MPPED1: variants seen among roughly 807,000 people sequenced by gnomAD.
The protein encoded by MPPED1 is metallophosphoesterase domain containing 1, also known as metallophosphoesterase domain-containing protein 1.
Under a neutral mutation model 36.2 loss-of-function variants are expected in MPPED1, and 16 were observed. That is an observed-to-expected ratio of 0.44 (90% CI 0.30 to 0.67). The LOEUF (loss-of-function observed/expected upper bound fraction) is 0.67, where lower values mean the gene tolerates loss of function less well. Among genes scored for constraint, MPPED1 ranks in the 30% least tolerant of loss-of-function variants. The probability of loss-of-function intolerance (pLI) is 0.10; values close to 1 mark genes in which losing one functional copy is unlikely to be tolerated. For synonymous variants in MPPED1, 199 were observed against 191.3 expected, an observed-to-expected ratio of 1.04 and a Z score of -0.33; for missense variants, 307 against 453.4, an observed-to-expected ratio of 0.68 and a Z score of 2.93.
intron 1 of MPPED1, among the ~76,000 whole-genome samples, chr22:43,420,279 A>G (rs2049940630): frequency 6.6e-6 from 1 of 152,182 alleles, no homozygotes; most frequent in Admixed American, 6.5e-5. Flanking sequence ...CATGACAACG[A>G]AAGAGTGAGG....
chr22:43,493,544 G>A (rs1369611689), intron 4 of MPPED1, among the ~76,000 whole-genome samples: 3 of 152,224 alleles, frequency 2.0e-5, no homozygotes, highest in Non-Finnish European at 4.4e-5. Flanking sequence ...GAGGCACCCT[G>A]TTGGGGGCCG....
At chr22:43,470,952 T>C (rs1931354570) in intron 3 of MPPED1, among the ~76,000 whole-genome samples, 1 of 152,234 alleles carries the variant, frequency 6.6e-6, no homozygotes, top group African/African-American at 2.4e-5. Flanking sequence ...TTTGAGGGTG[T>C]CACCCCAGCA....
At chr22:43,482,136 A>T (rs1241730033) in intron 4 of MPPED1, among the ~76,000 whole-genome samples, 1 of 152,194 alleles carries the variant, frequency 6.6e-6, no homozygotes, top group Non-Finnish European at 1.5e-5. Flanking sequence ...GTTAAAAAAA[A>T]TCCCGTATAC....
intron 3 of MPPED1, among the ~76,000 whole-genome samples, chr22:43,437,371 A>G (rs1337375556): frequency 6.6e-6 from 1 of 152,194 alleles, no homozygotes; most frequent in East Asian, 1.9e-4. Context: ...CCTCCTGACA[A>G]TGAGGCAGGA....
chr22:43,489,383 G>C (rs1409820999), intron 4 of MPPED1, among the ~76,000 whole-genome samples: 1 of 152,010 alleles, frequency 6.6e-6, no homozygotes, highest in Middle Eastern at 3.2e-3. Context: ...ACTCAGTCGT[G>C]CCCACCCACC....
intron 3 of MPPED1, among the ~76,000 whole-genome samples, chr22:43,454,251 C>T (rs368884653): frequency 1.5e-4 from 22 of 151,604 alleles, no homozygotes; most frequent in African/African-American, 3.1e-4. Flanking sequence ...TCAGGTGATC[C>T]GCCCTCCTTG....
chr22:43,442,936 C>T (rs376023873), intron 3 of MPPED1, among the ~76,000 whole-genome samples: 29 of 152,284 alleles, frequency 1.9e-4, no homozygotes, highest in Admixed American at 1.4e-3. Flanking sequence ...CAGGGGTCTA[C>T]GTGCATCTCA....
In MPPED1 at chr22:43,498,369, G is replaced by C. The variant is rs1932499776; in HGVS notation, c.748+19G>C. 1.3e-6 allele frequency: 2 copies of C among 1,525,312 alleles called. No individual in the cohort carries two copies. The highest frequency in any genetic ancestry group is 4.9e-5 in the East Asian group (2 of 40,666). 94.5% of individuals were successfully genotyped at this position (1,525,312 alleles called of 1,614,324 possible). A position where few individuals can be genotyped will look rare whatever the true frequency, so the allele number is the denominator to read the frequency against. ...CCACTGGGTAAGGCTCTGCTGGCCTGGCCCTCCAGCTCGCCCATCTGGGCT... is the reference window on the plus strand; with the variant it reads ...CCACTGGGTAAGGCTCTGCTGGCCTCGCCCTCCAGCTCGCCCATCTGGGCT... On this transcript the variant is annotated intron_variant, in intron 5 of 6. Transcript: ENST00000443721.
rs946717597 is a variant in MPPED1 at position 43,490,975 on chromosome 22, G to A, written c.633-7260G>A. 8.6e-5 allele frequency among the ~76,000 whole-genome samples: 12 copies of A among 139,210 alleles called. 1 individual carries two copies. The highest frequency in any genetic ancestry group is 6.6e-4 in the South Asian group (3 of 4,518). The allele number at this position is 139,210 out of a possible 152,430, so 91.3% of individuals were successfully genotyped here. On this transcript the variant is annotated intron_variant, in intron 4 of 6. Transcript: ENST00000443721. ...TGTCGGCTCTTCTCCACTAGGAACC[G>A]CGGAAGGAAAGCATTTTACTCTGTG...
intron 4 of MPPED1, among the ~76,000 whole-genome samples, chr22:43,495,474 TGGA>T (rs1569088574): frequency 1.8e-3 from 95 of 53,440 alleles, no homozygotes; most frequent in Middle Eastern, 0.011. Flanking sequence ...CTGGTGATGG[TGGA>T]GGTGGTGGTG....
chr22:43,493,233 C>T (rs1191250436), intron 4 of MPPED1, among the ~76,000 whole-genome samples: 1 of 152,184 alleles, frequency 6.6e-6, no homozygotes, highest in Non-Finnish European at 1.5e-5. Context: ...CTTTCCATTC[C>T]CTCGCCAAAC....
intron 4 of MPPED1, among the ~76,000 whole-genome samples, chr22:43,478,663 G>A (rs1931650178): frequency 6.6e-6 from 1 of 152,178 alleles, no homozygotes; most frequent in African/African-American, 2.4e-5. Context: ...TGGCTTCCGG[G>A]GGCCTGGGTG....
intron 3 of MPPED1, among the ~76,000 whole-genome samples, chr22:43,441,524 A>G (rs1930149134): frequency 6.6e-6 from 1 of 152,178 alleles, no homozygotes; most frequent in African/African-American, 2.4e-5. Context: ...TGTTTGTTGT[A>G]AAAGCGTGGT....
intron 5 of MPPED1, among the ~76,000 whole-genome samples, chr22:43,499,632 G>A (rs1932569851): frequency 1.6e-5 from 2 of 124,582 alleles, no homozygotes; most frequent in Non-Finnish European, 3.3e-5. Flanking sequence ...GGTGATGATG[G>A]TGGAGGTGGT....
intron 5 of MPPED1, among the ~76,000 whole-genome samples, chr22:43,500,869 A>G (rs1932713507): frequency 6.6e-6 from 1 of 152,026 alleles, no homozygotes; most frequent in South Asian, 2.1e-4. Flanking sequence ...GGGGACTTGC[A>G]CAAGCTGTGA....
chr22:43,496,223 A>G (rs369213070), intron 4 of MPPED1, among the ~76,000 whole-genome samples: 329 of 8,324 alleles, frequency 0.04, no homozygotes, highest in Non-Finnish European at 0.054. Context: ...GGTGGTGGAG[A>G]TGGTGGTGGT....
intron 1 of MPPED1, among the ~76,000 whole-genome samples, chr22:43,413,395 AT>A (rs66516474): frequency 0.082 from 12,387 of 150,464 alleles, 981 homozygotes; most frequent in African/African-American, 0.21. Flanking sequence ...AAAAAAAAAA[AT>A]TAAACCAACT....
intron 3 of MPPED1, among the ~76,000 whole-genome samples, chr22:43,460,270 C>G (rs915493544): frequency 1.4e-5 from 2 of 147,704 alleles, no homozygotes; most frequent in Non-Finnish European, 3.0e-5. Flanking sequence ...CAAACCCCCC[C>G]CCCCAAACCC....
rs1488539424 is a variant in MPPED1 at position 43,500,166 on chromosome 22, GTGA to G, written c.748+1819_748+1821del. 6.8e-5 allele frequency among the ~76,000 whole-genome samples: 6 copies of G among 88,252 alleles called. No individual in the cohort carries two copies. The South Asian group carries it at 1.3e-3, about 19-fold the overall frequency. The allele number at this position is 88,252 out of a possible 152,430, so 57.9% of individuals were successfully genotyped here. A position where few individuals can be genotyped will look rare whatever the true frequency, so the allele number is the denominator to read the frequency against. Reference sequence around the variant, plus strand: ...GGTGGTGGGGGTGGTGGTGGTGATGGTGATGGAGGTGGTGGTGATGGTGATGGA... The same window carrying G: ...GGTGGTGGGGGTGGTGGTGGTGATGGTGGAGGTGGTGGTGATGGTGATGGA... On this transcript the variant is annotated intron_variant, in intron 5 of 6. Coordinates refer to ENST00000443721, the MANE Select transcript of MPPED1 (RefSeq NM_001044370.2).
Sources: allele counts gnomAD v4.1 joint callset (sites outside exome capture counted in the v4.1 genomes callset), GRCh38; gene constraint gnomAD v4.1.1; transcripts MANE v1.5; gene names NCBI Gene and HGNC (gene_info 2026-07-23, HGNC 2026-07-21).